The following CDH11 variants were observed in gnomAD, a reference collection of about 807,000 sequenced individuals.
CDH11 encodes cadherin-11.
CDH11 carries 11 observed loss-of-function variants against 67.8 expected under a neutral mutation model. The ratio of observed to expected loss-of-function variants is 0.16; its 90% CI spans 0.10 to 0.27. The LOEUF (loss-of-function observed/expected upper bound fraction) is 0.27, where lower values mean the gene tolerates loss of function less well. Among genes scored for constraint, CDH11 ranks in the 10% least tolerant of loss-of-function variants. CDH11 has a pLI of 1.00. For synonymous variants in CDH11, 419 were observed against 400.0 expected (o/e 1.05, Z -0.57); for missense variants, 847 against 1,031.2 (o/e 0.82, Z 2.45).
chr16:65,121,404 G>A lies in CDH11; in HGVS notation c.-298+476C>T, dbSNP rs1480961034. On this transcript the variant is annotated intron_variant, in intron 1 of 12. Coordinates refer to ENST00000268603, the MANE Select transcript of CDH11 (RefSeq NM_001797.4). The surrounding 1 kb of genome is among the most constrained non-coding windows in gnomAD (Gnocchi z 4.1). ...CGGGGAGCTTTCGGCAGGGATCCGG[G>A]AGGATGGAGTAAGAACCCCGCAGAG... is the stretch of plus-strand genomic sequence containing the variant. Among the ~76,000 whole-genome samples the A allele has an allele frequency of 6.6e-6, 1 of 152,236 alleles. No individual in the cohort carries two copies. Among genetic ancestry groups the A allele is most frequent in the African/African-American group, 2.4e-5 (1 of 41,480 alleles).
intron 6 of CDH11, chr16:64,991,523 G>A (rs2072628105): frequency 4.5e-6 from 2 of 441,016 alleles, no homozygotes; most frequent in South Asian, 4.6e-5. Context: ...TAGCAAAAAC[G>A]ATATTTTGTT....
At chr16:65,107,375 G>A (rs1053201237) in intron 1 of CDH11, among the ~76,000 whole-genome samples, 3 of 152,198 alleles carry the variant, frequency 2.0e-5, no homozygotes, top group African/African-American at 7.2e-5. Flanking sequence ...TGTGCATACA[G>A]TAAATGCTCA....
At chr16:64,996,326 T>C (rs1175417337) in intron 4 of CDH11, among the ~76,000 whole-genome samples, 1 of 151,910 alleles carries the variant, frequency 6.6e-6, no homozygotes, top group Non-Finnish European at 1.5e-5. Flanking sequence ...CCCTGTGTAC[T>C]AAAAATACAA....
intron 1 of CDH11, among the ~76,000 whole-genome samples, chr16:65,073,299 T>C (rs1030639546): frequency 1.3e-5 from 2 of 152,224 alleles, no homozygotes; most frequent in African/African-American, 2.4e-5. Flanking sequence ...TTTATTTTTT[T>C]ACTTGAGACA....
intron 8 of CDH11, among the ~76,000 whole-genome samples, chr16:64,975,899 A>G (rs892618345): frequency 2.6e-5 from 4 of 152,194 alleles, no homozygotes; most frequent in Non-Finnish European, 5.9e-5. Context: ...AAGAGGAAAA[A>G]TCAATTACCA....
At chr16:64,979,056 C>A (rs558346910) in intron 8 of CDH11, among the ~76,000 whole-genome samples, 5 of 152,216 alleles carry the variant, frequency 3.3e-5, no homozygotes, top group African/African-American at 1.2e-4. Context: ...AGAGCTCTTA[C>A]AACAACAGTA....
intron 1 of CDH11, among the ~76,000 whole-genome samples, chr16:65,068,150 G>A (rs997919384): frequency 1.4e-5 from 2 of 146,502 alleles, no homozygotes; most frequent in Non-Finnish European, 1.5e-5. Context: ...GAGAGGGAGA[G>A]ACAAAGGAAG....
intron 1 of CDH11, among the ~76,000 whole-genome samples, chr16:65,115,573 A>G (rs1320054002): frequency 6.6e-6 from 1 of 152,082 alleles, no homozygotes; most frequent in African/African-American, 2.4e-5. Context: ...ATCCTAGGAT[A>G]TAGATATTAT....
chr16:65,011,760 T>C (rs1315780573), intron 2 of CDH11, among the ~76,000 whole-genome samples: 1 of 152,202 alleles, frequency 6.6e-6, no homozygotes, highest in Admixed American at 6.5e-5. Context: ...ATACTCTATA[T>C]GAATGTGTGG....
At chr16:65,018,749 G>C (rs2073365355) in intron 2 of CDH11, among the ~76,000 whole-genome samples, 1 of 152,162 alleles carries the variant, frequency 6.6e-6, no homozygotes, top group Non-Finnish European at 1.5e-5. Flanking sequence ...TTTTCCAAGA[G>C]TGCTTTGGCA....
intron 1 of CDH11, among the ~76,000 whole-genome samples, chr16:65,085,907 A>G (rs1597175862): frequency 6.6e-6 from 1 of 152,352 alleles, no homozygotes; most frequent in Non-Finnish European, 1.5e-5. Context: ...TAATTCTCCC[A>G]GATATTCTTT....
intron 1 of CDH11, among the ~76,000 whole-genome samples, chr16:65,100,965 AT>A (rs1237637308): frequency 6.6e-6 from 1 of 152,072 alleles, no homozygotes; most frequent in Non-Finnish European, 1.5e-5. Context: ...TAAAATTTAA[AT>A]TTTTCATCCT....
At chr16:65,116,556 T>G (rs1038405259) in intron 1 of CDH11, among the ~76,000 whole-genome samples, 4 of 152,148 alleles carry the variant, frequency 2.6e-5, no homozygotes, top group Non-Finnish European at 4.4e-5. Context: ...GTTTAGGAAG[T>G]GAAAGCTTTT....
intron 12 of CDH11, chr16:64,948,518 G>A (rs1323584523): frequency 9.3e-7 from 1 of 1,071,266 alleles, no homozygotes; most frequent in African/African-American, 1.6e-5. Flanking sequence ...AGAGCCCTTA[G>A]GGCCTACCAT....
intron 1 of CDH11, among the ~76,000 whole-genome samples, chr16:65,058,791 C>T (rs2074190267): frequency 6.6e-6 from 1 of 152,074 alleles, no homozygotes; most frequent in Non-Finnish European, 1.5e-5. Context: ...ACTTTCTGAG[C>T]CTCAGTTTCC....
At position 64,950,846 on chromosome 16, in the gene CDH11, G is replaced by A. The variant is rs751479928; in HGVS notation, c.1815C>T (p.Asn605=). 1 of 1,614,186 alleles carries A rather than the reference G, an allele frequency of 6.2e-7. No homozygotes were observed. The highest frequency in any genetic ancestry group is 8.5e-7 in the Non-Finnish European group (1 of 1,180,026). ...CGGCGTTCAGAATGTAGGCCTCTGCGTTGCAGGAGAGCAGTGCCCCGTTCA... is the reference window on the plus strand; with the variant it reads ...CGGCGTTCAGAATGTAGGCCTCTGCATTGCAGGAGAGCAGTGCCCCGTTCA... ...CDVNGALLSC[N]AEAYILNAGL... The change falls in exon 12 of 13, where the codon AAC becomes AAT. Residue 605 remains asparagine, a synonymous_variant. Coordinates refer to ENST00000268603, the MANE Select transcript of CDH11 (RefSeq NM_001797.4).
chr16:65,120,364 C>A (rs1297444693), intron 1 of CDH11, among the ~76,000 whole-genome samples: 1 of 152,170 alleles, frequency 6.6e-6, no homozygotes, highest in Non-Finnish European at 1.5e-5. Context: ...CTGCTGCAAG[C>A]CCAAGTGATG....
At chr16:64,991,103 G>A (rs1366815764) in intron 6 of CDH11, among the ~76,000 whole-genome samples, 1 of 152,124 alleles carries the variant, frequency 6.6e-6, no homozygotes, top group Non-Finnish European at 1.5e-5. Flanking sequence ...AACTTCTGAA[G>A]CTAGTTAACA....
intron 1 of CDH11, among the ~76,000 whole-genome samples, chr16:65,119,633 C>T (rs2075293076): frequency 6.6e-6 from 1 of 152,152 alleles, no homozygotes; most frequent in Non-Finnish European, 1.5e-5. Flanking sequence ...CCTTCCAAGG[C>T]CTGCCTTCAT....
Sources: gnomAD v4.1 joint callset for allele counts (sites outside exome capture counted in the v4.1 genomes callset) on GRCh38, gnomAD v4.1.1 for gene constraint, Gnocchi (gnomAD v3.1) non-coding constraint, MANE v1.5 for transcripts, NCBI Gene and HGNC (gene_info 2026-07-23, HGNC 2026-07-21) for gene names.